The following FHIP1A variants were observed in gnomAD, a reference collection of about 807,000 sequenced individuals.
The protein encoded by FHIP1A is FHF complex subunit HOOK-interacting protein 1A.
In FHIP1A, 61 loss-of-function variants were observed where a neutral mutation model predicts 88.6. That is an observed-to-expected ratio of 0.69 (90% CI 0.56 to 0.85). The LOEUF is 0.85. Among genes scored for constraint, FHIP1A ranks in the 40% least tolerant of loss-of-function variants. FHIP1A has a pLI of 0.00. For missense variants in FHIP1A, 1,154 were observed against 1,273.5 expected, an observed-to-expected ratio of 0.91 and a Z score of 1.43; for synonymous variants, 478 against 496.0, an observed-to-expected ratio of 0.96 and a Z score of 0.48.
chr4:151,445,110 C>T (rs984257332), intron 1 of FHIP1A, among the ~76,000 whole-genome samples: 1 of 152,100 alleles, frequency 6.6e-6, no homozygotes, highest in Non-Finnish European at 1.5e-5. Context: ...TTCTCATGAC[C>T]CCCTTCCTCA....
intron 1 of FHIP1A, among the ~76,000 whole-genome samples, chr4:151,440,226 C>A (rs1017453736): frequency 1.3e-5 from 2 of 152,116 alleles, no homozygotes; most frequent in Non-Finnish European, 2.9e-5. Flanking sequence ...GATTCTGTTA[C>A]CTCCCACTGG....
intron 3 of FHIP1A, among the ~76,000 whole-genome samples, chr4:151,484,259 CAGA>C (rs1048606478): frequency 6.6e-6 from 1 of 152,126 alleles, no homozygotes; most frequent in African/African-American, 2.4e-5. Context: ...GTCTGTAGAG[CAGA>C]AGTTGTTTGG....
At chr4:151,614,214 A>G (rs1735430422) in intron 7 of FHIP1A, among the ~76,000 whole-genome samples, 1 of 152,080 alleles carries the variant, frequency 6.6e-6, no homozygotes, top group Non-Finnish European at 1.5e-5. Flanking sequence ...CATGCCTCTA[A>G]TCCCAGCACT....
At chr4:151,506,494 T>C (rs1319113104) in intron 3 of FHIP1A, among the ~76,000 whole-genome samples, 2 of 152,204 alleles carry the variant, frequency 1.3e-5, no homozygotes, top group Non-Finnish European at 2.9e-5. Flanking sequence ...GGCACCAGCA[T>C]CTGCTTCTGG....
intron 3 of FHIP1A, among the ~76,000 whole-genome samples, chr4:151,526,490 C>T (rs1179772377): frequency 1.4e-4 from 21 of 145,076 alleles, no homozygotes; most frequent in Admixed American, 1.2e-3. Context: ...GGGGGGCTGA[C>T]CCCCCCACCT....
chr4:151,425,405 C>G (rs1026484964), intron 1 of FHIP1A, among the ~76,000 whole-genome samples: 1 of 151,846 alleles, frequency 6.6e-6, no homozygotes, highest in African/African-American at 2.4e-5. Flanking sequence ...TGGATCTTGA[C>G]TTAGATAAAT....
At position 151,662,617 on chromosome 4, in the gene FHIP1A, C is replaced by G; in HGVS notation, c.2986C>G (p.Leu996Val). 6.4e-7 allele frequency: 1 copy of G among 1,551,682 alleles called. No homozygotes were observed. The highest frequency in any genetic ancestry group is 8.7e-7 in the Non-Finnish European group (1 of 1,146,990). Residue 996 changes from leucine (L) to valine (V), a missense_variant, in exon 14 of 14, where the codon CTG becomes GTG. Coordinates refer to ENST00000435205, the MANE Select transcript of FHIP1A (RefSeq NM_001109977.3). ...RTKVAEAPPN[L>V]PLPVRNPMLA... ...CAAGGTGGCTGAGGCACCCCCCAAC[C>G]TGCCCCTGCCGGTGAGGAACCCCAT...
At chr4:151,500,937 G>T (rs1730631060) in intron 3 of FHIP1A, among the ~76,000 whole-genome samples, 1 of 152,168 alleles carries the variant, frequency 6.6e-6, no homozygotes, top group Non-Finnish European at 1.5e-5. Context: ...AATTGCCGAT[G>T]CACTGAAAAG....
rs1021471988 is a variant in FHIP1A at position 151,552,861 on chromosome 4, A to G, written c.-122-13277A>G. On this transcript the variant is annotated intron_variant, in intron 3 of 13. Transcript: ENST00000435205. ...AAAGAAAAAACAAAAGCAAAAACAA[A>G]AAGATGTAATCTGTTAACAGATCCA... Among the ~76,000 whole-genome samples, 9 of 151,988 alleles carry G rather than the reference A, an allele frequency of 5.9e-5. No individual in the cohort carries two copies. The East Asian group carries it at 1.7e-3, about 29-fold the overall frequency.
At chr4:151,574,381 A>G (rs1733705671) in intron 4 of FHIP1A, among the ~76,000 whole-genome samples, 1 of 152,222 alleles carries the variant, frequency 6.6e-6, no homozygotes, top group Non-Finnish European at 1.5e-5. Context: ...AAAGTTTTTC[A>G]TAGCAAAAAG....
rs2126913771 is a variant in FHIP1A at position 151,650,605 on chromosome 4, A to T, written c.2551+13A>T. 4 of 1,536,778 alleles carry T rather than the reference A, an allele frequency of 2.6e-6. No homozygotes were observed. Among genetic ancestry groups the T allele is most frequent in the Non-Finnish European group, 3.5e-6 (4 of 1,140,184 alleles). ...ACCCCATTCACAGGTGACCATCTTAAATTGCTTTGTGGTTTCTGCTTTCGA... is the reference window on the plus strand; with the variant it reads ...ACCCCATTCACAGGTGACCATCTTATATTGCTTTGTGGTTTCTGCTTTCGA... On this transcript the variant is annotated intron_variant, in intron 11 of 13. Transcript: ENST00000435205.
intron 7 of FHIP1A, among the ~76,000 whole-genome samples, chr4:151,601,589 T>C (rs961446807): frequency 6.7e-6 from 1 of 149,230 alleles, no homozygotes; most frequent in Non-Finnish European, 1.5e-5. Flanking sequence ...GTAGAAATGC[T>C]AACAACATAC....
At chr4:151,465,840 C>G (rs1017974525) in intron 2 of FHIP1A, among the ~76,000 whole-genome samples, 1 of 152,150 alleles carries the variant, frequency 6.6e-6, no homozygotes. Context: ...ATGTTACAAA[C>G]TCTCAATAAA....
chr4:151,531,287 C>T (rs138564340), intron 3 of FHIP1A, among the ~76,000 whole-genome samples: 1 of 151,940 alleles, frequency 6.6e-6, no homozygotes, highest in African/African-American at 2.4e-5. Flanking sequence ...TTTCATTAAG[C>T]AATCAGGACT....
In FHIP1A at chr4:151,544,637, T is replaced by G. The variant is rs1732417286; in HGVS notation, c.-122-21501T>G. Among the ~76,000 whole-genome samples, 3 of 151,998 alleles carry G rather than the reference T, an allele frequency of 2.0e-5. No homozygotes were observed. In the East Asian group the frequency reaches 5.8e-4, roughly 29 times the overall value. On this transcript the variant is annotated intron_variant, in intron 3 of 13. Transcript: ENST00000435205. ...CTGTTTAGTGCTTTGTGCTTGGAAA[T>G]AGGATTCTTAGGGGTTATGGGTTTA...
At chr4:151,648,954 A>AC (rs1736894295) in intron 10 of FHIP1A, among the ~76,000 whole-genome samples, 1 of 152,184 alleles carries the variant, frequency 6.6e-6, no homozygotes, top group Non-Finnish European at 1.5e-5. Context: ...GATAATATCA[A>AC]CATCCCTGAT....
intron 8 of FHIP1A, among the ~76,000 whole-genome samples, chr4:151,634,287 C>T (rs949449149): frequency 4.6e-5 from 7 of 151,610 alleles, no homozygotes; most frequent in South Asian, 2.1e-4. Flanking sequence ...AAAGACATTC[C>T]GTGTTCATGG....
rs180810049 is a variant in FHIP1A, at chr4:151,440,518, A to G, written c.-355-14183A>G. On this transcript the variant is annotated intron_variant, in intron 1 of 13. Coordinates refer to ENST00000435205, the MANE Select transcript of FHIP1A (RefSeq NM_001109977.3). Reference sequence around the variant, plus strand: ...TTCATGATTTTTCTTATCTCCACCAATGACACTACCTCCATGTTGTCAAGA... The same window carrying G: ...TTCATGATTTTTCTTATCTCCACCAGTGACACTACCTCCATGTTGTCAAGA... Among the ~76,000 whole-genome samples, 45 of 152,230 alleles carry G rather than the reference A, an allele frequency of 3.0e-4. No individual in the cohort carries two copies. The East Asian group carries it at 6.6e-3, about 22-fold the overall frequency.
chr4:151,470,503 A>G (rs1041707742), intron 2 of FHIP1A, among the ~76,000 whole-genome samples: 3 of 152,136 alleles, frequency 2.0e-5, no homozygotes, highest in Non-Finnish European at 4.4e-5. Flanking sequence ...TCAGTAAAAA[A>G]GGTATTAGTG....
Sources: gnomAD v4.1 joint callset for allele counts (sites outside exome capture counted in the v4.1 genomes callset) on GRCh38, gnomAD v4.1.1 for gene constraint, MANE v1.5 for transcripts, NCBI Gene and HGNC (gene_info 2026-07-23, HGNC 2026-07-21) for gene names.